The following MROH2A variants were observed in gnomAD, a reference collection of about 807,000 sequenced individuals.
MROH2A encodes the protein maestro heat-like repeat-containing protein family member 2A.
In MROH2A, 174 loss-of-function variants were observed where a neutral mutation model predicts 200.4. The ratio of observed to expected loss-of-function variants is 0.87; its 90% confidence interval spans 0.77 to 0.98. The LOEUF is 0.98. Among genes scored for constraint, MROH2A ranks in the 50% least tolerant of loss-of-function variants. MROH2A has a pLI of 0.00. For synonymous variants in MROH2A, 829 were observed against 840.4 expected (o/e 0.99, Z 0.23); for missense variants, 2,045 against 2,139.6 (o/e 0.96, Z 0.87).
chr2:233,782,983 GT>G (rs1429401533), intron 3 of MROH2A, among the ~76,000 whole-genome samples: 1 of 152,060 alleles, frequency 6.6e-6, no homozygotes, highest in Non-Finnish European at 1.5e-5. Context: ...TCATATGATT[GT>G]TGTTCTTGGC....
At chr2:233,793,956 T>C in intron 7 of MROH2A, 132 bp downstream of exon 7, 2 of 916,900 alleles carry the variant, frequency 2.2e-6, no homozygotes, top group Non-Finnish European at 3.0e-6. Flanking sequence ...GTGACCTGAC[T>C]CATGGCAGAG....
intron 35 of MROH2A, among the ~76,000 whole-genome samples, chr2:233,824,800 T>G (rs1209592479): frequency 6.6e-6 from 1 of 152,222 alleles, no homozygotes. Context: ...GTTTAAAAAT[T>G]AGGTTCAGCT....
chr2:233,811,662 T>C (rs1298312477), intron 23 of MROH2A, among the ~76,000 whole-genome samples: 1 of 152,238 alleles, frequency 6.6e-6, no homozygotes, highest in African/African-American at 2.4e-5. Flanking sequence ...AGCAAGTAGA[T>C]GAGCAGCGCG....
intron 37 of MROH2A, 120 bp downstream of exon 37, chr2:233,829,192 A>C (rs1704543422): frequency 5.4e-6 from 5 of 927,772 alleles, no homozygotes; most frequent in Non-Finnish European, 7.9e-6. Flanking sequence ...GTGTCAGTTT[A>C]GCGACTGGCT....
chr2:233,808,210 C>T (rs1702928636), intron 21 of MROH2A, among the ~76,000 whole-genome samples: 1 of 152,166 alleles, frequency 6.6e-6, no homozygotes, highest in Admixed American at 6.5e-5. Flanking sequence ...AGAAGCTGTT[C>T]AGGTAGTGCT....
Position 233,822,378 on chromosome 2 carries a change from C to T in MROH2A, c.3688C>T (p.His1230Tyr). Residue 1230 changes from histidine to tyrosine, a missense_variant, in exon 33 of 42, where the codon CAC becomes TAC. This residue lies in a region of MROH2A where 1,201 missense variants were observed against 1,311.3 expected (regional missense o/e 0.92). Transcript: ENST00000389758. ...CTCTCTGCAGACCCTGTGCACCATC[C>T]ACCTTCTCATTCAGAAGCTGGATGA... is the stretch of plus-strand genomic sequence containing the variant. ...VDPLMTLCTIHLLIQKLDEND... is the reference protein window; with the variant it reads ...VDPLMTLCTIYLLIQKLDEND... 1 of 1,551,056 alleles carries T rather than the reference C, an allele frequency of 6.4e-7. No individual in the cohort carries two copies. Among genetic ancestry groups the T allele is most frequent in the Non-Finnish European group, 8.7e-7 (1 of 1,147,084 alleles).
intron 12 of MROH2A, among the ~76,000 whole-genome samples, chr2:233,799,209 C>T (rs1559453735): frequency 6.6e-6 from 1 of 152,170 alleles, no homozygotes; most frequent in Non-Finnish European, 1.5e-5. Context: ...CCTCAAAAGG[C>T]TGAAAACCAC....
intron 33 of MROH2A, 34 bp from the exon 34 acceptor site, chr2:233,822,847 G>A (rs1240803013): frequency 6.5e-7 from 1 of 1,548,284 alleles, no homozygotes; most frequent in Non-Finnish European, 8.7e-7. Flanking sequence ...GCTCCCAGCA[G>A]GGCAGCGCAT....
rs1034340481 is a variant in MROH2A at position 233,820,901 on chromosome 2, G to A, written c.3512+845G>A. On this transcript the variant is annotated intron_variant, in intron 31 of 41. Transcript: ENST00000389758. This position sits in a 1 kb window ranked among gnomAD's most constrained non-coding sequence, Gnocchi z 4.1. ...GGGCAGCCCTGCCGTGGGTCCAGCT[G>A]GGAGGGTGGTGCAGGTGTCATGATT... 6.6e-6 allele frequency among the ~76,000 whole-genome samples: 1 copy of A among 152,178 alleles called. No homozygotes were observed. The highest frequency in any genetic ancestry group is 2.4e-5 in the African/African-American group (1 of 41,444).
intron 40 of MROH2A, 31 bp downstream of exon 40, chr2:233,832,310 T>C: frequency 5.2e-6 from 8 of 1,542,040 alleles, no homozygotes; most frequent in Non-Finnish European, 7.0e-6. Flanking sequence ...TGACTCAAGA[T>C]AGACTTTGAA....
Position 233,809,123 on chromosome 2 carries a change from TAGA to T in MROH2A, c.2296_2298del (p.Lys766del). On this transcript the variant is annotated splice_acceptor_variant and coding_sequence_variant, in exon 22 of 42. Transcript: ENST00000389758. LOFTEE classifies it high-confidence loss of function. ...GTGGTTCTTTTTCTCTTTGGCCTCG[TAGA>T]AGGACCATCCCTGGAGGCGGGAGAC... is the stretch of plus-strand genomic sequence containing the variant. 6.5e-7 allele frequency: 1 copy of T among 1,547,346 alleles called. No homozygotes were observed. The highest frequency in any genetic ancestry group is 8.7e-7 in the Non-Finnish European group (1 of 1,144,310).
chr2:233,795,831 C>T, intron 9 of MROH2A, 86 bp downstream of exon 9: 2 of 1,547,592 alleles, frequency 1.3e-6, no homozygotes, highest in South Asian at 2.4e-5. Flanking sequence ...TGGCCCACAA[C>T]TCACTCGCGT....
intron 18 of MROH2A, 47 bp from the exon 19 acceptor site, chr2:233,804,957 G>A: frequency 8.6e-7 from 1 of 1,163,258 alleles, no homozygotes; most frequent in Non-Finnish European, 1.2e-6. Flanking sequence ...GCAAGAACAA[G>A]GATGAAGGCC....
In MROH2A at chr2:233,820,382, G is replaced by A. The variant is rs1441075218; in HGVS notation, c.3512+326G>A. Among the ~76,000 whole-genome samples the A allele has an allele frequency of 1.3e-5, 2 of 152,166 alleles. No individual in the cohort carries two copies. Among genetic ancestry groups the A allele is most frequent in the African/African-American group, 2.4e-5 (1 of 41,438 alleles). On this transcript the variant is annotated intron_variant, in intron 31 of 41. Transcript: ENST00000389758. This position sits in a 1 kb window ranked among gnomAD's most constrained non-coding sequence, Gnocchi z 4.1. ...TGAACAGAGCTCCAGCAGATGGGCT[G>A]CAGGGTGCGGCTCCAAGGCATGAGC...
At chr2:233,803,384 A>G in intron 15 of MROH2A, 64 bp from the exon 16 acceptor site, 1 of 1,528,100 alleles carries the variant, frequency 6.5e-7, no homozygotes. Flanking sequence ...CTAGATGGGG[A>G]CATAGGAGCA....
chr2:233,808,186 C>A (rs1264548920), intron 21 of MROH2A, among the ~76,000 whole-genome samples: 2 of 152,160 alleles, frequency 1.3e-5, no homozygotes, highest in Non-Finnish European at 2.9e-5. Context: ...CCCACACAGA[C>A]CCACAGGATT....
At position 233,804,991 on chromosome 2, in the gene MROH2A, TG is replaced by T. The variant is rs1215984302; in HGVS notation, c.1945-12del. The T allele has an allele frequency of 3.3e-6, 5 of 1,531,204 alleles. No individual in the cohort carries two copies. The highest frequency in any genetic ancestry group is 4.4e-6 in the Non-Finnish European group (5 of 1,130,312). 94.9% of individuals were successfully genotyped at this position (1,531,204 alleles called of 1,614,324 possible). ...CCTTTGGCCCTTCTCACCAACGTCT[TG>T]TGCCTCCCCAGTTTCTGCGAAACTC... is the stretch of plus-strand genomic sequence containing the variant. On this transcript the variant is annotated splice_polypyrimidine_tract_variant and intron_variant, in intron 18 of 41. Coordinates refer to ENST00000389758, the MANE Select transcript of MROH2A (RefSeq NM_001394639.1).
intron 19 of MROH2A, among the ~76,000 whole-genome samples, chr2:233,805,925 A>T (rs536057939): frequency 6.6e-6 from 1 of 152,380 alleles, no homozygotes; most frequent in East Asian, 1.9e-4. Context: ...AATCAAAACG[A>T]ATCACAGACC....
At chr2:233,824,993 G>C (rs191904202) in intron 35 of MROH2A, among the ~76,000 whole-genome samples, 1 of 152,192 alleles carries the variant, frequency 6.6e-6, no homozygotes, top group East Asian at 1.9e-4. Flanking sequence ...GTACTCTCTG[G>C]TTTCTTTGAG....
Sources: allele counts gnomAD v4.1 joint callset (sites outside exome capture counted in the v4.1 genomes callset), GRCh38; gene constraint gnomAD v4.1.1; regional missense constraint gnomAD v4.1.1; non-coding constraint Gnocchi (gnomAD v3.1); transcripts MANE v1.5; gene names NCBI Gene and HGNC (gene_info 2026-07-23, HGNC 2026-07-21).